Variants in TAS2R9 observed in about 807,000 individuals in gnomAD.
TAS2R9 encodes taste 2 receptor member 9, also known as taste receptor type 2 member 9.
For missense variants in TAS2R9, 406 were observed against 363.6 expected (o/e 1.12, Z -0.95); for synonymous variants, 158 against 134.2 (o/e 1.18, Z -1.23).
Position 10,809,871 on chromosome 12 carries a change from T to A in TAS2R9, c.205A>T (p.Met69Leu), listed in dbSNP as rs1565414335. The A allele has an allele frequency of 1.2e-6, 2 of 1,613,796 alleles. No individual in the cohort carries two copies. Among genetic ancestry groups the A allele is most frequent in the Non-Finnish European group, 1.7e-6 (2 of 1,179,848 alleles). ...LCVISLDGFF[M>L]LLFPGTYGNS... ...CCATATGTACCTGGAAAGAGCAGCA[T>A]AAAGAAGCCATCTAATGATATTACA... Residue 69 changes from methionine to leucine, a missense_variant, in exon 1 of 1, where the codon ATG becomes TTG. Physicochemically the swap from Met to Leu is conservative, Grantham distance 15. Coordinates refer to ENST00000240691, the MANE Select transcript of TAS2R9 (RefSeq NM_023917.2).
chr12:10,809,117 A>G lies in TAS2R9; in HGVS notation c.*20T>C, dbSNP rs1483831232. The G allele has an allele frequency of 6.4e-7, 1 of 1,554,398 alleles. No homozygotes were observed. The highest frequency in any genetic ancestry group is 8.7e-7 in the Non-Finnish European group (1 of 1,149,024). On this transcript the variant is annotated 3_prime_UTR_variant, in exon 1 of 1. Coordinates refer to ENST00000240691, the MANE Select transcript of TAS2R9 (RefSeq NM_023917.2). ...GTTGATTTCTTTCATCCTTGTAGTC[A>G]GGATACTCTTTAGGGGTCTCTATGG...
chr12:10,810,013 AAT>A, the TAS2R9 span: 2 of 1,613,606 alleles, frequency 1.2e-6, no homozygotes, highest in Non-Finnish European at 1.7e-6. Context: ...CATTTCCCCA[AAT>A]CCCTATGGTC....
rs1359608511 is a variant in TAS2R9, at chr12:10,809,927, C to A, written c.149G>T (p.Ser50Ile). 4 of 1,613,790 alleles carry A rather than the reference C, an allele frequency of 2.5e-6. No individual in the cohort carries two copies. Among genetic ancestry groups the A allele is most frequent in the Non-Finnish European group, 3.4e-6 (4 of 1,179,846 alleles). The change falls in exon 1 of 1, where the codon AGC (serine) becomes ATC (isoleucine). Residue 50 changes from serine to isoleucine, a missense_variant. Transcript: ENST00000240691. ...CAGACAGATTCTGGAGATGGCCAAGCTGATCAGGATGATGTCAATCAAGGA... is the reference window on the plus strand; with the variant it reads ...CAGACAGATTCTGGAGATGGCCAAGATGATCAGGATGATGTCAATCAAGGA... ...DISLIDIILI[S>I]LAISRICLLC...
Position 10,810,041 on chromosome 12 carries a change from A to G in TAS2R9, c.35T>C (p.Leu12Ser). The change falls in exon 1 of 1, where the codon TTA (leucine) becomes TCA (serine). Residue 12 changes from leucine (L) to serine (S), a missense_variant. Transcript: ENST00000240691. ...PSAIEAIYII[L>S]IAGELTIGIW... ...CCCTATGGTCAATTCACCAGCAATTAAAATAATATATATTGCCTCTATTGC... is the reference window on the plus strand; with the variant it reads ...CCCTATGGTCAATTCACCAGCAATTGAAATAATATATATTGCCTCTATTGC... 6.2e-7 allele frequency: 1 copy of G among 1,613,292 alleles called. No individual in the cohort carries two copies. Among genetic ancestry groups the G allele is most frequent in the East Asian group, 2.2e-5 (1 of 44,860 alleles).
chr12:10,809,682 C>T lies in TAS2R9; in HGVS notation c.394G>A (p.Ala132Thr), dbSNP rs1415351602. The part of the protein sequence containing the change: ...LKLKINKVML[A>T]ILLGSFLISL... ...ATAAGAAAGGACCCCAGAAGAATCG[C>T]AAGCATGACCTTGTTGATCTTTAGC... The change falls in exon 1 of 1, where the codon GCG becomes ACG. Residue 132 changes from alanine to threonine, a missense_variant. Ala to Thr is a moderately conservative substitution (Grantham distance 58). Coordinates refer to ENST00000240691, the MANE Select transcript of TAS2R9 (RefSeq NM_023917.2). 3.1e-6 allele frequency: 5 copies of T among 1,613,302 alleles called. No homozygotes were observed. In the Admixed American group the frequency reaches 5.0e-5, roughly 16 times the overall value.
Position 10,809,408 on chromosome 12 carries a change from C to G in TAS2R9, c.668G>C (p.Ser223Thr). 6.2e-7 allele frequency: 1 copy of G among 1,613,550 alleles called. No individual in the cohort carries two copies. Among genetic ancestry groups the G allele is most frequent in the Non-Finnish European group, 8.5e-7 (1 of 1,179,820 alleles). ...TATGGCCCTCATGTGGGCCTCTGTA[C>G]TGGGGTCTCTGAACCCTGTAGCATG... ...RLHATGFRDP[S>T]TEAHMRAIKA... Residue 223 changes from serine to threonine, a missense_variant, in exon 1 of 1, where the codon AGT (serine) becomes ACT (threonine). By Grantham distance (58) the Ser-to-Thr change is moderately conservative. Coordinates refer to ENST00000240691, the MANE Select transcript of TAS2R9 (RefSeq NM_023917.2).
rs1334083372 is a variant in TAS2R9 at position 10,809,912 on chromosome 12, C to G, written c.164G>C (p.Arg55Thr). The change falls in exon 1 of 1, where the codon AGA becomes ACA. Residue 55 changes from arginine to threonine, a missense_variant. Transcript: ENST00000240691. ...DIILISLAIS[R>T]ICLLCVISLD... ...TGATATTACACACAGCAGACAGATT[C>G]TGGAGATGGCCAAGCTGATCAGGAT... 2.5e-6 allele frequency: 4 copies of G among 1,613,680 alleles called. No individual in the cohort carries two copies. Among genetic ancestry groups the G allele is most frequent in the Non-Finnish European group, 3.4e-6 (4 of 1,179,854 alleles).
chr12:10,809,476 C>A lies in TAS2R9; in HGVS notation c.600G>T (p.Leu200Phe), dbSNP rs1342182892. ...TGTGTCTAACTAGGGAGAAAAGTAA[C>A]AAGAAAAATGAGATCAGGCAAAGGA... ...PFILCLISFFLLLFSLVRHTK... is the reference protein window; with the variant it reads ...PFILCLISFFFLLFSLVRHTK... Residue 200 changes from leucine (L) to phenylalanine (F), a missense_variant, in exon 1 of 1, where the codon TTG (leucine) becomes TTT (phenylalanine). Transcript: ENST00000240691. 3.1e-6 allele frequency: 5 copies of A among 1,613,152 alleles called. No homozygotes were observed. The African/African-American group carries it at 6.7e-5, about 22-fold the overall frequency.
Position 10,809,335 on chromosome 12 carries a change from G to A in TAS2R9, c.741C>T (p.Val247=), listed in dbSNP as rs761792328. The A allele has an allele frequency of 4.3e-6, 7 of 1,613,610 alleles. No homozygotes were observed. The South Asian group carries it at 7.7e-5, about 18-fold the overall frequency. The part of the protein sequence containing the change: ...FLLLLIVYYP[V]FLVMTSSALI... ...GAGCGCTAGAGGTCATAACAAGAAA[G>A]ACTGGGTAGTACACGATGAGGAGGA... The change falls in exon 1 of 1, where the codon GTC becomes GTT. Residue 247 remains valine (V), a synonymous_variant. Coordinates refer to ENST00000240691, the MANE Select transcript of TAS2R9 (RefSeq NM_023917.2).
chr12:10,809,863 G>T lies in TAS2R9; in HGVS notation c.213C>A (p.Leu71=). Residue 71 remains leucine, a synonymous_variant, in exon 1 of 1, where the codon CTC becomes CTA. Coordinates refer to ENST00000240691, the MANE Select transcript of TAS2R9 (RefSeq NM_023917.2). ...VISLDGFFML[L]FPGTYGNSVL... is the part of the protein sequence containing the mutation. ...CGCTATTGCCATATGTACCTGGAAAGAGCAGCATAAAGAAGCCATCTAATG... is the reference window on the plus strand; with the variant it reads ...CGCTATTGCCATATGTACCTGGAAATAGCAGCATAAAGAAGCCATCTAATG... 1 of 1,613,750 alleles carries T rather than the reference G, an allele frequency of 6.2e-7. No homozygotes were observed.
rs753943701 is a variant in TAS2R9, at chr12:10,809,356, G to C, written c.720C>G (p.Leu240=). The C allele has an allele frequency of 8.7e-6, 14 of 1,613,524 alleles. No individual in the cohort carries two copies. The African/African-American group carries it at 1.6e-4, about 18-fold the overall frequency. ...GAAAGACTGGGTAGTACACGATGAGGAGGAGCAGAAAGATGATCACTGCCT... is the reference window on the plus strand; with the variant it reads ...GAAAGACTGGGTAGTACACGATGAGCAGGAGCAGAAAGATGATCACTGCCT... ...AIKAVIIFLL[L]LIVYYPVFLV... is the part of the protein sequence containing the mutation. The change falls in exon 1 of 1, where the codon CTC becomes CTG. Residue 240 remains leucine (L), a synonymous_variant. Transcript: ENST00000240691.
rs372756879 is a variant in TAS2R9, at chr12:10,809,348, A to C, written c.728T>G (p.Val243Gly). Reference sequence around the variant, plus strand: ...CATAACAAGAAAGACTGGGTAGTACACGATGAGGAGGAGCAGAAAGATGAT... The same window carrying C: ...CATAACAAGAAAGACTGGGTAGTACCCGATGAGGAGGAGCAGAAAGATGAT... The part of the protein sequence containing the change: ...AVIIFLLLLI[V>G]YYPVFLVMTS... Residue 243 changes from valine to glycine, a missense_variant, in exon 1 of 1, where the codon GTG (valine) becomes GGG (glycine). Physicochemically the swap from Val to Gly is moderately radical, Grantham distance 109. Coordinates refer to ENST00000240691, the MANE Select transcript of TAS2R9 (RefSeq NM_023917.2). 3.7e-6 allele frequency: 6 copies of C among 1,613,630 alleles called. No individual in the cohort carries two copies. The highest frequency in any genetic ancestry group is 5.1e-6 in the Non-Finnish European group (6 of 1,179,786).
At position 10,809,482 on chromosome 12, in the gene TAS2R9, A is replaced by G. The variant is rs1565413980; in HGVS notation, c.594T>C (p.Phe198=). Residue 198 remains phenylalanine, a synonymous_variant, in exon 1 of 1, where the codon TTT becomes TTC. Transcript: ENST00000240691. ...MVPFILCLIS[F]FLLLFSLVRH... ...TAACTAGGGAGAAAAGTAACAAGAA[A>G]AATGAGATCAGGCAAAGGATAAAGG... 1.2e-5 allele frequency: 19 copies of G among 1,613,532 alleles called. No individual in the cohort carries two copies. Among genetic ancestry groups the G allele is most frequent in the Non-Finnish European group, 1.6e-5 (19 of 1,179,764 alleles).
At position 10,809,215 on chromosome 12, in the gene TAS2R9, G is replaced by C; in HGVS notation, c.861C>G (p.Ser287Arg). The C allele has an allele frequency of 6.2e-7, 1 of 1,613,516 alleles. No homozygotes were observed. Among genetic ancestry groups the C allele is most frequent in the Non-Finnish European group, 8.5e-7 (1 of 1,179,746 alleles). Residue 287 changes from serine (S) to arginine (R), a missense_variant, in exon 1 of 1, where the codon AGC (serine) becomes AGG (arginine). Coordinates refer to ENST00000240691, the MANE Select transcript of TAS2R9 (RefSeq NM_023917.2). ...TCTTCAGAAAAGCTTCCCTCAACTT[G>C]CTATTTCCCATAATTAGAATGAATG... is the stretch of plus-strand genomic sequence containing the variant. ...SHSFILIMGN[S>R]KLREAFLKML...
chr12:10,809,249 G>T, the TAS2R9 span: 1 of 1,613,528 alleles, frequency 6.2e-7, no homozygotes, highest in Admixed American at 1.7e-5. Flanking sequence ...TGAATGGCTT[G>T]ATGGGAAAAT....
Position 10,809,478 on chromosome 12 carries a change from A to C in TAS2R9, c.598T>G (p.Leu200Val). The C allele has an allele frequency of 6.2e-7, 1 of 1,613,564 alleles. No individual in the cohort carries two copies. The highest frequency in any genetic ancestry group is 8.5e-7 in the Non-Finnish European group (1 of 1,179,796). Residue 200 changes from leucine (L) to valine (V), a missense_variant, in exon 1 of 1, where the codon TTG becomes GTG. Coordinates refer to ENST00000240691, the MANE Select transcript of TAS2R9 (RefSeq NM_023917.2). ...TGTCTAACTAGGGAGAAAAGTAACA[A>C]GAAAAATGAGATCAGGCAAAGGATA... is the stretch of plus-strand genomic sequence containing the variant. ...PFILCLISFF[L>V]LLFSLVRHTK...
chr12:10,809,296 T>G lies in TAS2R9; in HGVS notation c.780A>C (p.Gly260=), dbSNP rs1162007366. ...TGTCACCAATCATCAACACTAATTT[T>G]CCCTGAGGAATCAGAGCGCTAGAGG... ...VMTSSALIPQ[G]KLVLMIGDIV... is the part of the protein sequence containing the mutation. The change falls in exon 1 of 1, where the codon GGA becomes GGC. Residue 260 remains glycine (G), a synonymous_variant. Transcript: ENST00000240691. 6.2e-7 allele frequency: 1 copy of G among 1,613,664 alleles called. No individual in the cohort carries two copies. Among genetic ancestry groups the G allele is most frequent in the Non-Finnish European group, 8.5e-7 (1 of 1,179,810 alleles).
the TAS2R9 span, chr12:10,809,477 A>T: frequency 6.2e-7 from 1 of 1,613,512 alleles, no homozygotes. Context: ...GAAAAGTAAC[A>T]AGAAAAATGA....
chr12:10,809,495 C>T lies in TAS2R9; in HGVS notation c.581G>A (p.Cys194Tyr), dbSNP rs1948752143. ...NLGVMVPFIL[C>Y]LISFFLLLFS... The stretch of plus-strand genomic sequence containing the variant: ...AAGTAACAAGAAAAATGAGATCAGG[C>T]AAAGGATAAAGGGAACCATCACCCC... The change falls in exon 1 of 1, where the codon TGC becomes TAC. Residue 194 changes from cysteine to tyrosine, a missense_variant. Coordinates refer to ENST00000240691, the MANE Select transcript of TAS2R9 (RefSeq NM_023917.2). 1 of 1,613,456 alleles carries T rather than the reference C, an allele frequency of 6.2e-7. No homozygotes were observed. Among genetic ancestry groups the T allele is most frequent in the East Asian group, 2.2e-5 (1 of 44,808 alleles).
Sources: allele counts gnomAD v4.1 joint callset, GRCh38; gene constraint gnomAD v4.1.1; transcripts MANE v1.5; gene names NCBI Gene and HGNC (gene_info 2026-07-23, HGNC 2026-07-21).